Variants in TNFAIP8L3 observed in about 807,000 individuals in gnomAD.
TNFAIP8L3 encodes tumor necrosis factor alpha-induced protein 8-like protein 3.
TNFAIP8L3 carries 7 observed loss-of-function variants against 11.8 expected under a neutral mutation model. The observed-to-expected ratio is 0.59, with a 90% confidence interval of 0.34 to 1.11. TNFAIP8L3 has a LOEUF of 1.11. Ranked by LOEUF, TNFAIP8L3 falls within the 50% of genes most tolerant of loss-of-function variation. The probability of loss-of-function intolerance (pLI) is 0.03; values close to 1 mark genes in which losing one functional copy is unlikely to be tolerated. For missense variants in TNFAIP8L3, 219 were observed against 258.6 expected (o/e 0.85, Z 1.05); for synonymous variants, 98 against 103.8 (o/e 0.94, Z 0.34).
intron 1 of TNFAIP8L3, among the ~76,000 whole-genome samples, chr15:51,080,999 T>C (rs1432268563): frequency 2.0e-5 from 3 of 152,280 alleles, no homozygotes; most frequent in African/African-American, 7.2e-5. Context: ...TCAGTGTTGC[T>C]ATTTAGAAAA....
intron 1 of TNFAIP8L3, among the ~76,000 whole-genome samples, chr15:51,081,171 C>T (rs534864455): frequency 6.6e-6 from 1 of 152,182 alleles, no homozygotes; most frequent in South Asian, 2.1e-4. Context: ...GGGCCCAAGG[C>T]AGTGGAAACG....
chr15:51,089,793 C>A (rs1268383620), intron 1 of TNFAIP8L3, among the ~76,000 whole-genome samples: 1 of 152,180 alleles, frequency 6.6e-6, no homozygotes, highest in African/African-American at 2.4e-5. Context: ...AAGACAAGGT[C>A]CTGACTCCGA....
At chr15:51,079,102 CT>C (rs1436401725) in intron 1 of TNFAIP8L3, among the ~76,000 whole-genome samples, 4 of 152,214 alleles carry the variant, frequency 2.6e-5, no homozygotes, top group Non-Finnish European at 1.5e-5. Flanking sequence ...TGACATCTGT[CT>C]TCTCTTCACC....
At chr15:51,079,895 A>T (rs1252239070) in intron 1 of TNFAIP8L3, among the ~76,000 whole-genome samples, 2 of 151,880 alleles carry the variant, frequency 1.3e-5, no homozygotes, top group Non-Finnish European at 2.9e-5. Flanking sequence ...AAAGAAAAAA[A>T]AGAAAAGTCA....
At chr15:51,073,789 T>G (rs1046461674) in intron 1 of TNFAIP8L3, among the ~76,000 whole-genome samples, 2 of 152,218 alleles carry the variant, frequency 1.3e-5, no homozygotes, top group Admixed American at 6.5e-5. Flanking sequence ...GAGTATGCAA[T>G]GTTTGCTGTG....
At position 51,057,855 on chromosome 15, in the gene TNFAIP8L3, G is replaced by A. The variant is rs1030160455; in HGVS notation, c.*26C>T. On this transcript the variant is annotated 3_prime_UTR_variant, in exon 2 of 2. Coordinates refer to ENST00000637513, the MANE Select transcript of TNFAIP8L3 (RefSeq NM_001311175.2). ...GGTTGAGTGCTGTAACTTTAAAGCA[G>A]CAAAGTCCAGTAGGAGGGAAGGCAT... 6.5e-7 allele frequency: 1 copy of A among 1,530,360 alleles called. No individual in the cohort carries two copies. The highest frequency in any genetic ancestry group is 1.3e-5 in the South Asian group (1 of 76,940). 94.8% of individuals were successfully genotyped at this position (1,530,360 alleles called of 1,614,324 possible).
At chr15:51,084,977 C>G (rs902349010) in intron 1 of TNFAIP8L3, among the ~76,000 whole-genome samples, 2 of 152,078 alleles carry the variant, frequency 1.3e-5, no homozygotes, top group African/African-American at 4.8e-5. Context: ...TACAGAGAAA[C>G]CAGGATTATA....
chr15:51,093,719 C>G (rs537767846), intron 1 of TNFAIP8L3, among the ~76,000 whole-genome samples: 1 of 152,178 alleles, frequency 6.6e-6, no homozygotes, highest in East Asian at 1.9e-4. Flanking sequence ...TGCGTAGACC[C>G]GTGGGTGGGG....
chr15:51,098,663 A>T (rs563614170), upstream of TNFAIP8L3, among the ~76,000 whole-genome samples: 1 of 152,380 alleles, frequency 6.6e-6, no homozygotes, highest in South Asian at 2.1e-4. Context: ...TGGAAAATAC[A>T]TATAAACAAA....
chr15:51,082,179 T>G (rs989861258), intron 1 of TNFAIP8L3, among the ~76,000 whole-genome samples: 9 of 152,046 alleles, frequency 5.9e-5, no homozygotes, highest in African/African-American at 2.2e-4. Context: ...GTGAACATCA[T>G]ACGGTGTACT....
At chr15:51,088,450 C>T (rs953346141) in intron 1 of TNFAIP8L3, among the ~76,000 whole-genome samples, 2 of 152,142 alleles carry the variant, frequency 1.3e-5, no homozygotes, top group African/African-American at 4.8e-5. Context: ...TTTACAGATC[C>T]AGTTTGAGGT....
chr15:51,093,867 A>G (rs1425941004), intron 1 of TNFAIP8L3, among the ~76,000 whole-genome samples: 3 of 151,852 alleles, frequency 2.0e-5, no homozygotes, highest in African/African-American at 7.3e-5. Context: ...GTAAGCATCC[A>G]CCTATTGCTT....
At chr15:51,098,549 C>G (rs1211338420), upstream of TNFAIP8L3, among the ~76,000 whole-genome samples, 3 of 152,170 alleles carry the variant, frequency 2.0e-5, no homozygotes, top group Non-Finnish European at 1.5e-5. Context: ...TGCTAGAAGA[C>G]AGCCTTGAGA....
chr15:51,058,526 G>T, intron 1 of TNFAIP8L3, 83 bp from the exon 2 acceptor site: 2 of 1,248,568 alleles, frequency 1.6e-6, no homozygotes, highest in South Asian at 1.7e-5. Context: ...ACACTAACTT[G>T]AACTTATGTT....
chr15:51,087,115 G>A (rs999050306), intron 1 of TNFAIP8L3, among the ~76,000 whole-genome samples: 2 of 152,070 alleles, frequency 1.3e-5, no homozygotes, highest in Admixed American at 6.6e-5. Context: ...TGATCCACCC[G>A]CCTCAGCCTC....
chr15:51,075,064 A>G (rs934029406), intron 1 of TNFAIP8L3, among the ~76,000 whole-genome samples: 3 of 152,206 alleles, frequency 2.0e-5, no homozygotes, highest in African/African-American at 4.8e-5. Flanking sequence ...TCTTGTATAT[A>G]TGTCTCAGTA....
chr15:51,094,392 A>C lies in TNFAIP8L3; in HGVS notation c.52+152T>G, dbSNP rs1595620567. On this transcript the variant is annotated intron_variant, in intron 1 of 1. Coordinates refer to ENST00000637513, the MANE Select transcript of TNFAIP8L3 (RefSeq NM_001311175.2). This position sits in a 1 kb window ranked among gnomAD's most constrained non-coding sequence, Gnocchi z 4.4. ...GCCCAAGTGCAATGGGGTTGGGGGA[A>C]GCCCCAAAGCAAACTCACGACGCGG... The C allele has an allele frequency of 4.2e-6, 4 of 958,568 alleles. No homozygotes were observed. The East Asian group carries it at 1.4e-4, about 35-fold the overall frequency. The allele number at this position is 958,568 out of a possible 1,614,324, so 59.4% of individuals were successfully genotyped here. A position where few individuals can be genotyped will look rare whatever the true frequency, so the allele number is the denominator to read the frequency against.
chr15:51,057,721 C>A lies in TNFAIP8L3; in HGVS notation c.*160G>T. 1 of 652,736 alleles carries A rather than the reference C, an allele frequency of 1.5e-6. No homozygotes were observed. Among genetic ancestry groups the A allele is most frequent in the Non-Finnish European group, 2.5e-6 (1 of 400,592 alleles). The allele number at this position is 652,736 out of a possible 1,614,324, so 40.4% of individuals were successfully genotyped here. ...CTAGAAAGCTTGGAAGAAAAACACA[C>A]CTGAGCTCAGTTCAGCATCAGAATC... On this transcript the variant is annotated 3_prime_UTR_variant, in exon 2 of 2. Coordinates refer to ENST00000637513, the MANE Select transcript of TNFAIP8L3 (RefSeq NM_001311175.2).
At chr15:51,060,538 C>A (rs1286996401) in intron 1 of TNFAIP8L3, among the ~76,000 whole-genome samples, 1 of 152,232 alleles carries the variant, frequency 6.6e-6, no homozygotes, top group East Asian at 1.9e-4. Context: ...TACACAGAAG[C>A]AGCAGGTCAA....
Sources: allele counts gnomAD v4.1 joint callset (sites outside exome capture counted in the v4.1 genomes callset), GRCh38; gene constraint gnomAD v4.1.1; non-coding constraint Gnocchi (gnomAD v3.1); transcripts MANE v1.5; gene names NCBI Gene and HGNC (gene_info 2026-07-23, HGNC 2026-07-21).